The following BANK1 variants were observed in gnomAD, a reference collection of about 807,000 sequenced individuals.
BANK1 encodes the protein B cell scaffold protein with ankyrin repeats 1.
In BANK1, 95 loss-of-function variants were observed where a neutral mutation model predicts 94.5. The observed-to-expected ratio is 1.00, with a 90% CI of 0.85 to 1.19. BANK1 has a LOEUF of 1.19. BANK1 is among the 50% of genes most tolerant of loss of function. The probability of loss-of-function intolerance (pLI) is 0.00; values close to 1 mark genes in which losing one functional copy is unlikely to be tolerated. For synonymous variants in BANK1, 334 were observed against 308.4 expected (o/e 1.08, Z -0.87); for missense variants, 987 against 932.2 (o/e 1.06, Z -0.77).
intron 7 of BANK1, among the ~76,000 whole-genome samples, chr4:101,967,847 C>T: frequency 6.6e-6 from 1 of 151,880 alleles, no homozygotes; most frequent in East Asian, 1.9e-4. Flanking sequence ...ATTAAACAGC[C>T]ATATGGAAAC....
chr4:101,989,619 T>C (rs907598173), intron 7 of BANK1, among the ~76,000 whole-genome samples: 1 of 150,628 alleles, frequency 6.6e-6, no homozygotes, highest in Admixed American at 6.6e-5. Context: ...GTCTCCTGAG[T>C]CTCATTTCAT....
At chr4:101,800,172 T>G (rs1267817908) in intron 1 of BANK1, among the ~76,000 whole-genome samples, 2 of 150,772 alleles carry the variant, frequency 1.3e-5, no homozygotes, top group Admixed American at 6.6e-5. Context: ...AGGAGATATA[T>G]CTAATGTAAA....
chr4:101,948,859 G>A (rs777088024), intron 7 of BANK1, among the ~76,000 whole-genome samples: 1 of 152,068 alleles, frequency 6.6e-6, no homozygotes, highest in Non-Finnish European at 1.5e-5. Context: ...ATCTGACACA[G>A]GAGGAAAAAT....
At chr4:101,982,516 A>G (rs2148928008) in intron 7 of BANK1, among the ~76,000 whole-genome samples, 1 of 152,160 alleles carries the variant, frequency 6.6e-6, no homozygotes, top group African/African-American at 2.4e-5. Context: ...CAATAAGCAA[A>G]TATGATTTAT....
At chr4:101,852,616 TGA>T (rs1727532594) in intron 2 of BANK1, among the ~76,000 whole-genome samples, 1 of 150,812 alleles carries the variant, frequency 6.6e-6, no homozygotes, top group East Asian at 1.9e-4. Context: ...CCTACTAAAT[TGA>T]CAGTTTTGTA....
chr4:101,917,713 T>A (rs1722872936), intron 6 of BANK1, among the ~76,000 whole-genome samples: 1 of 151,912 alleles, frequency 6.6e-6, no homozygotes. Flanking sequence ...TTCTTTCTTT[T>A]TTTTTCATTT....
At chr4:101,986,845 GTATATATATGTATATATA>G (rs1353338443) in intron 7 of BANK1, among the ~76,000 whole-genome samples, 1 of 62,058 alleles carries the variant, frequency 1.6e-5, no homozygotes. Context: ...ATATATATGT[GTATATATATGTATATATA>G]TATGTGTGTA....
At chr4:101,806,645 G>C (rs1725564912) in intron 1 of BANK1, among the ~76,000 whole-genome samples, 1 of 152,152 alleles carries the variant, frequency 6.6e-6, no homozygotes, top group Admixed American at 6.5e-5. Flanking sequence ...AATACATGGT[G>C]CATAATAGTA....
At chr4:101,991,434 T>C (rs182028796) in intron 7 of BANK1, among the ~76,000 whole-genome samples, 1 of 152,356 alleles carries the variant, frequency 6.6e-6, no homozygotes, top group Non-Finnish European at 1.5e-5. Flanking sequence ...AAGTTGTTTT[T>C]GTTTTTGTTT....
chr4:101,907,799 T>C (rs1722507051), intron 6 of BANK1, among the ~76,000 whole-genome samples: 1 of 152,132 alleles, frequency 6.6e-6, no homozygotes, highest in Non-Finnish European at 1.5e-5. Context: ...TGAACTCCCA[T>C]TCACAGTTAC....
chr4:102,044,517 C>A (rs1212500330), intron 11 of BANK1, among the ~76,000 whole-genome samples: 1 of 143,434 alleles, frequency 7.0e-6, no homozygotes, highest in East Asian at 2.0e-4. Flanking sequence ...TTTATAGCAG[C>A]ATGATTTATA....
intron 2 of BANK1, among the ~76,000 whole-genome samples, chr4:101,837,971 C>A (rs1323266240): frequency 7.0e-6 from 1 of 143,882 alleles, no homozygotes; most frequent in African/African-American, 2.7e-5. Context: ...TCTTTCTCTT[C>A]TTTTTTGAGA....
intron 6 of BANK1, among the ~76,000 whole-genome samples, chr4:101,916,488 T>G (rs1374686778): frequency 6.6e-6 from 1 of 152,058 alleles, no homozygotes; most frequent in Non-Finnish European, 1.5e-5. Context: ...GAGTATATTT[T>G]CATTTTATTA....
intron 10 of BANK1, 35 bp from the exon 11 acceptor site, chr4:102,043,804 T>C: frequency 7.0e-7 from 1 of 1,421,710 alleles, no homozygotes; most frequent in Non-Finnish European, 9.8e-7. Flanking sequence ...TGAACGTTTA[T>C]GTTCAGTAAA....
chr4:102,012,573 A>G (rs932748067), intron 7 of BANK1, among the ~76,000 whole-genome samples: 5 of 152,194 alleles, frequency 3.3e-5, no homozygotes, highest in Non-Finnish European at 7.4e-5. Flanking sequence ...TTCATTTGTC[A>G]AATAACACTT....
chr4:101,828,553 A>T (rs1726470033), intron 1 of BANK1, among the ~76,000 whole-genome samples: 3 of 152,144 alleles, frequency 2.0e-5, no homozygotes, highest in African/African-American at 7.2e-5. Flanking sequence ...TTGGAACTTT[A>T]CATAAATACA....
rs1728867584 is a variant in BANK1 at position 102,074,729 on chromosome 4, G to GT, written c.*733dup. The stretch of plus-strand genomic sequence containing the variant: ...TACAAATGCCACAAATAAATTGAAT[G>GT]TTTAAAGCTATGTCTGAGTTTTTAA... On this transcript the variant is annotated 3_prime_UTR_variant, in exon 17 of 17. Transcript: ENST00000322953. 3 of 150,592 alleles carry GT rather than the reference G, an allele frequency of 2.0e-5. No individual in the cohort carries two copies. In the South Asian group the frequency reaches 6.3e-4, roughly 32 times the overall value. 9.3% of individuals were successfully genotyped at this position (150,592 alleles called of 1,614,324 possible).
At chr4:101,958,884 A>G (rs1724465153) in intron 7 of BANK1, among the ~76,000 whole-genome samples, 1 of 152,182 alleles carries the variant, frequency 6.6e-6, no homozygotes, top group Non-Finnish European at 1.5e-5. Context: ...CTTACACCTC[A>G]ACTAGCTGAG....
chr4:101,911,340 A>G (rs1722655682), intron 6 of BANK1, among the ~76,000 whole-genome samples: 1 of 152,226 alleles, frequency 6.6e-6, no homozygotes, highest in Admixed American at 6.5e-5. Context: ...GCCTAATTAT[A>G]TAAATTACTA....
Sources: gnomAD v4.1 joint callset for allele counts (sites outside exome capture counted in the v4.1 genomes callset) on GRCh38, gnomAD v4.1.1 for gene constraint, MANE v1.5 for transcripts, NCBI Gene and HGNC (gene_info 2026-07-23, HGNC 2026-07-21) for gene names.